DPP3: variants seen among roughly 807,000 people sequenced by gnomAD.
DPP3 encodes the protein dipeptidyl peptidase 3.
In DPP3, 64 loss-of-function variants were observed where a neutral mutation model predicts 89.8. The ratio of observed to expected loss-of-function variants is 0.71; its 90% CI spans 0.58 to 0.88. DPP3 has a LOEUF of 0.88. Among genes scored for constraint, DPP3 ranks in the 40% least tolerant of loss-of-function variants. DPP3 has a pLI of 0.00. For missense variants in DPP3, 835 were observed against 972.5 expected, an observed-to-expected ratio of 0.86 and a Z score of 1.88; for synonymous variants, 377 against 404.3, an observed-to-expected ratio of 0.93 and a Z score of 0.81.
rs558050868 is a variant in DPP3, at chr11:66,508,515, A to ATTAT, written c.2042-541_2042-538dup. On this transcript the variant is annotated intron_variant, in intron 17 of 17. Transcript: ENST00000531863. Reference sequence around the variant, plus strand: ...CCTAGTGTGGCACCTGGTGTCTTTTATTATTTATTTATTTATTTATTTATT... The same window carrying ATTAT: ...CCTAGTGTGGCACCTGGTGTCTTTTATTATTTATTTATTTATTTATTTATTTATT... Among the ~76,000 whole-genome samples, 204 of 151,856 alleles carry ATTAT rather than the reference A, an allele frequency of 1.3e-3. 1 individual carries two copies. Among genetic ancestry groups the ATTAT allele is most frequent in the South Asian group, 0.013 (64 of 4,788 alleles).
At chr11:66,507,897 G>A (rs1041591185) in intron 17 of DPP3, among the ~76,000 whole-genome samples, 10 of 151,928 alleles carry the variant, frequency 6.6e-5, no homozygotes, top group African/African-American at 2.2e-4. Flanking sequence ...GGCTAATCTC[G>A]AACTCCTGAC....
At chr11:66,508,756 C>G (rs552906794) in intron 17 of DPP3, among the ~76,000 whole-genome samples, 2 of 152,192 alleles carry the variant, frequency 1.3e-5, no homozygotes, top group East Asian at 3.9e-4. Flanking sequence ...AACTCCTGAC[C>G]TCAGGTGATC....
chr11:66,485,034 C>A, intron 2 of DPP3, 139 bp from the exon 3 acceptor site: 1 of 781,884 alleles, frequency 1.3e-6, no homozygotes, highest in Admixed American at 2.2e-5. Flanking sequence ...CTGGGGCTTC[C>A]CAGGACCTAG....
At position 66,491,300 on chromosome 11, in the gene DPP3, T is replaced by C. The variant is rs1468200633; in HGVS notation, c.715T>C (p.Phe239Leu). The C allele has an allele frequency of 5.0e-6, 8 of 1,613,832 alleles. No individual in the cohort carries two copies. Among genetic ancestry groups the C allele is most frequent in the Admixed American group, 3.3e-5 (2 of 59,996 alleles). ...GACTTCCAAGCTGAAGAGCTATGAA[T>C]TCCGGGGAAGCCCTTTCCAGGTGAC... ...EVTSKLKSYE[F>L]RGSPFQVTRG... Residue 239 changes from phenylalanine (F) to leucine (L), a missense_variant, in exon 7 of 18, where the codon TTC becomes CTC. Transcript: ENST00000531863.
At chr11:66,501,153 C>G (rs557413605) in intron 16 of DPP3, among the ~76,000 whole-genome samples, 2 of 151,206 alleles carry the variant, frequency 1.3e-5, no homozygotes, top group South Asian at 2.1e-4. Context: ...TGCCACTGAA[C>G]TCCGGCCCAA....
At chr11:66,503,669 C>T (rs542698494) in intron 16 of DPP3, among the ~76,000 whole-genome samples, 1 of 152,202 alleles carries the variant, frequency 6.6e-6, no homozygotes, top group South Asian at 2.1e-4. Context: ...GGGCAGATCT[C>T]GAGATCAGGA....
intron 17 of DPP3, among the ~76,000 whole-genome samples, chr11:66,507,490 C>T (rs893472898): frequency 6.6e-6 from 1 of 151,430 alleles, no homozygotes; most frequent in Non-Finnish European, 1.5e-5. Context: ...TAATAATAAT[C>T]ATCATCATAA....
At chr11:66,506,048 A>T (rs1855792104) in intron 17 of DPP3, among the ~76,000 whole-genome samples, 1 of 152,086 alleles carries the variant, frequency 6.6e-6, no homozygotes, top group African/African-American at 2.4e-5. Flanking sequence ...CTCTGGGTTC[A>T]AGCGATTCTC....
At chr11:66,487,394 C>T (rs532640618) in intron 5 of DPP3, 52 bp downstream of exon 5, 2 of 1,575,322 alleles carry the variant, frequency 1.3e-6, no homozygotes, top group African/African-American at 1.3e-5. Flanking sequence ...GGTTCCTAGT[C>T]CCAGCCCCCT....
intron 16 of DPP3, among the ~76,000 whole-genome samples, chr11:66,502,295 G>A (rs1227736400): frequency 6.6e-6 from 1 of 151,996 alleles, no homozygotes; most frequent in Non-Finnish European, 1.5e-5. Context: ...TGAGGTGGGG[G>A]TTGTATGAGT....
At chr11:66,498,222 T>G (rs1287482778) in intron 16 of DPP3, among the ~76,000 whole-genome samples, 1 of 152,130 alleles carries the variant, frequency 6.6e-6, no homozygotes, top group African/African-American at 2.4e-5. Flanking sequence ...GCCTCCCGAG[T>G]AGCAGGGACT....
chr11:66,485,358 G>A, intron 3 of DPP3, 96 bp downstream of exon 3: 1 of 1,238,510 alleles, frequency 8.1e-7, no homozygotes, highest in South Asian at 1.3e-5. Flanking sequence ...AGTGTCAGAA[G>A]CCCTGAGCAG....
intron 2 of DPP3, 24 bp downstream of exon 2, chr11:66,482,494 C>T (rs1174417444): frequency 6.3e-7 from 1 of 1,592,700 alleles, no homozygotes; most frequent in Admixed American, 1.7e-5. Context: ...GGCCAACCCA[C>T]ATTACCTGAG....
chr11:66,507,521 T>A (rs974346382), intron 17 of DPP3, among the ~76,000 whole-genome samples: 48 of 151,730 alleles, frequency 3.2e-4, no homozygotes, highest in Non-Finnish European at 5.9e-5. Context: ...GAAGTGTTAA[T>A]GAGTGGCCAA....
intron 12 of DPP3, among the ~76,000 whole-genome samples, chr11:66,494,305 G>A (rs1049913957): frequency 1.2e-4 from 19 of 152,142 alleles, no homozygotes; most frequent in Non-Finnish European, 2.2e-4. Context: ...CCTCCCCTCC[G>A]AGGGCGGGGT....
intron 1 of DPP3, among the ~76,000 whole-genome samples, chr11:66,481,325 TC>T (rs1555040391): frequency 6.6e-6 from 1 of 152,026 alleles, no homozygotes; most frequent in Non-Finnish European, 1.5e-5. Flanking sequence ...CCCGTCTCTA[TC>T]AAAAATACAA....
chr11:66,505,787 A>G (rs1376642715), intron 17 of DPP3, among the ~76,000 whole-genome samples: 1 of 150,452 alleles, frequency 6.6e-6, no homozygotes, highest in Non-Finnish European at 1.5e-5. Flanking sequence ...GTTCAATGCT[A>G]CAGAGCAAGA....
At position 66,491,557 on chromosome 11, in the gene DPP3, G is replaced by A. The variant is rs201994521; in HGVS notation, c.862G>A (p.Gly288Ser). 1 of 1,613,726 alleles carries A rather than the reference G, an allele frequency of 6.2e-7. No homozygotes were observed. The highest frequency in any genetic ancestry group is 8.5e-7 in the Non-Finnish European group (1 of 1,179,856). The change falls in exon 8 of 18, where the codon GGC (glycine) becomes AGC (serine). Residue 288 changes from glycine (G) to serine (S), a missense_variant. Gly to Ser is a moderately conservative substitution (Grantham distance 56, BLOSUM62 0). Transcript: ENST00000531863. ...CCAGTATATAGAGAGCTTCACCCAG[G>A]GCTCCATCGAGGCCCACAAGAGGGG... ...LAQYIESFTQ[G>S]SIEAHKRGSR...
chr11:66,481,212 G>C (rs1430758170), intron 1 of DPP3, among the ~76,000 whole-genome samples: 1 of 152,198 alleles, frequency 6.6e-6, no homozygotes, highest in Non-Finnish European at 1.5e-5. Context: ...ACAAAGGCCA[G>C]GCGCGGTGGC....
Sources: gnomAD v4.1 joint callset for allele counts (sites outside exome capture counted in the v4.1 genomes callset) on GRCh38, gnomAD v4.1.1 for gene constraint, MANE v1.5 for transcripts, NCBI Gene and HGNC (gene_info 2026-07-23, HGNC 2026-07-21) for gene names.